The following HDGFL3 variants were observed in gnomAD, a reference collection of about 807,000 sequenced individuals.
HDGFL3 encodes the protein hepatoma-derived growth factor-related protein 3.
A neutral mutation model predicts 27.6 loss-of-function variants in HDGFL3; 6 were observed. That is an observed-to-expected ratio of 0.22 (90% CI 0.12 to 0.43). The LOEUF is 0.43. Among genes scored for constraint, HDGFL3 ranks in the 20% least tolerant of loss-of-function variants. HDGFL3 has a pLI of 1.00. For missense variants in HDGFL3, 207 were observed against 250.1 expected, an observed-to-expected ratio of 0.83 and a Z score of 1.16; for synonymous variants, 88 against 88.9, an observed-to-expected ratio of 0.99 and a Z score of 0.05.
intron 2 of HDGFL3, among the ~76,000 whole-genome samples, chr15:83,162,530 T>C (rs1241549181): frequency 1.3e-5 from 2 of 152,192 alleles, no homozygotes; most frequent in Non-Finnish European, 2.9e-5. Context: ...ACATTTATTA[T>C]AGGTAAAACT....
At chr15:83,116,755 G>A (rs927136617) in intron 3 of HDGFL3, among the ~76,000 whole-genome samples, 1 of 152,194 alleles carries the variant, frequency 6.6e-6, no homozygotes, top group African/African-American at 2.4e-5. Flanking sequence ...AGTAGAGAGA[G>A]GGATGAACTT....
At chr15:83,155,814 ATT>A (rs1432429760) in intron 4 of HDGFL3, among the ~76,000 whole-genome samples, 1 of 152,226 alleles carries the variant, frequency 6.6e-6, no homozygotes, top group Non-Finnish European at 1.5e-5. Flanking sequence ...TTATCCAGGT[ATT>A]CAATCATGTG....
chr15:83,205,564 G>A (rs2037706481), intron 1 of HDGFL3, among the ~76,000 whole-genome samples: 1 of 152,068 alleles, frequency 6.6e-6, no homozygotes, highest in Admixed American at 6.6e-5. Context: ...ACCTGTACAG[G>A]CAACATATTA....
intron 3 of HDGFL3, chr15:83,122,108 CT>C: frequency 1.1e-6 from 1 of 938,956 alleles, no homozygotes; most frequent in Non-Finnish European, 1.6e-6. Flanking sequence ...TGATTCCAAG[CT>C]TACTAAAAAC....
chr15:83,152,700 CAA>C (rs1469769220), intron 4 of HDGFL3, among the ~76,000 whole-genome samples: 1 of 135,630 alleles, frequency 7.4e-6, no homozygotes, highest in Non-Finnish European at 1.6e-5. Context: ...AAAAAAAAAA[CAA>C]AAAAAGAGAA....
chr15:83,204,229 A>G (rs1596572971), intron 1 of HDGFL3, among the ~76,000 whole-genome samples: 1 of 151,758 alleles, frequency 6.6e-6, no homozygotes, highest in East Asian at 1.9e-4. Context: ...TATCAGACAT[A>G]TATCATATAG....
intron 1 of HDGFL3, among the ~76,000 whole-genome samples, chr15:83,167,158 G>A (rs186205551): frequency 2.4e-4 from 36 of 152,124 alleles, no homozygotes; most frequent in African/African-American, 8.2e-4. Flanking sequence ...CCATAAGCTC[G>A]AACTAAAGGT....
chr15:83,136,807 T>A lies in HDGFL3; in HGVS notation c.*2463A>T. On this transcript the variant is annotated 3_prime_UTR_variant, in exon 6 of 6. Coordinates refer to ENST00000299633, the MANE Select transcript of HDGFL3 (RefSeq NM_016073.4). ...ACATTCTTGCTCTGCACTGTATGTG[T>A]GAGCTATATGGTATTGTGTAAATTT... is the stretch of plus-strand genomic sequence containing the variant. The A allele has an allele frequency of 1.5e-6, 1 of 680,664 alleles. No individual in the cohort carries two copies. Among genetic ancestry groups the A allele is most frequent in the Non-Finnish European group, 2.3e-6 (1 of 427,714 alleles). 42.2% of individuals were successfully genotyped at this position (680,664 alleles called of 1,614,324 possible).
At chr15:83,154,895 G>T (rs1344091951) in intron 4 of HDGFL3, among the ~76,000 whole-genome samples, 1 of 152,032 alleles carries the variant, frequency 6.6e-6, no homozygotes, top group African/African-American at 2.4e-5. Context: ...TTGAGACAGG[G>T]TCTCACTCTG....
intron 1 of HDGFL3, among the ~76,000 whole-genome samples, chr15:83,173,792 A>G (rs893978123): frequency 6.6e-6 from 1 of 152,216 alleles, no homozygotes; most frequent in Admixed American, 6.5e-5. Context: ...TACAGGTCCC[A>G]TAAGTAACTT....
At chr15:83,163,811 C>T (rs529837382) in intron 2 of HDGFL3, 188 bp downstream of exon 2, 91 of 549,136 alleles carry the variant, frequency 1.7e-4, no homozygotes, top group African/African-American at 1.4e-3. Context: ...AGCAAAGATA[C>T]GCTTTTAGTC....
In HDGFL3 at chr15:83,181,222, A is replaced by G. The variant is rs1477817243; in HGVS notation, c.85-17147T>C. Among the ~76,000 whole-genome samples, 4 of 152,194 alleles carry G rather than the reference A, an allele frequency of 2.6e-5. No individual in the cohort carries two copies. In the East Asian group the frequency reaches 5.8e-4, roughly 22 times the overall value. On this transcript the variant is annotated intron_variant, in intron 1 of 5. Transcript: ENST00000299633. Reference sequence around the variant, plus strand: ...TAGTGCTTTTAACTAAGTTGTATATAGCAGATGTACAGGGGATGTATGCAG... The same window carrying G: ...TAGTGCTTTTAACTAAGTTGTATATGGCAGATGTACAGGGGATGTATGCAG...
chr15:83,113,114 G>A (rs1193569197), exon 4 of HDGFL3: 1 of 581,630 alleles, frequency 1.7e-6, no homozygotes, highest in Non-Finnish European at 3.1e-6. Context: ...TCCCGGTGGA[G>A]AGTTACTGCC....
Position 83,207,334 on chromosome 15 carries a change from G to A in HDGFL3, c.81C>T (p.Ala27=). The A allele has an allele frequency of 2.9e-6, 4 of 1,395,676 alleles. No individual in the cohort carries two copies. The highest frequency in any genetic ancestry group is 2.8e-5 in the East Asian group (1 of 35,222). 86.5% of individuals were successfully genotyped at this position (1,395,676 alleles called of 1,614,324 possible). A position where few individuals can be genotyped will look rare whatever the true frequency, so the allele number is the denominator to read the frequency against. ...CGCGCGCGGCCGCGGTACTCACCCG[G>A]GCCGGCCAGTGCGGGTAGCCCTTCA... ...AKMKGYPHWP[A]RIDELPEGAV... The change falls in exon 1 of 6, where the codon GCC becomes GCT. Residue 27 remains alanine, a synonymous_variant. Coordinates refer to ENST00000299633, the MANE Select transcript of HDGFL3 (RefSeq NM_016073.4). This position sits in a 1 kb window ranked among gnomAD's most constrained non-coding sequence, Gnocchi z 4.8.
At chr15:83,140,480 A>AC (rs772081760) in intron 5 of HDGFL3, among the ~76,000 whole-genome samples, 34,889 of 110,782 alleles carry the variant, frequency 0.31, 4,686 homozygotes, top group African/African-American at 0.42. Context: ...AACCAAAGAA[A>AC]GTTTTTTTTT....
At chr15:83,199,457 A>G (rs2037612039) in intron 1 of HDGFL3, among the ~76,000 whole-genome samples, 1 of 152,042 alleles carries the variant, frequency 6.6e-6, no homozygotes, top group South Asian at 2.1e-4. Flanking sequence ...ATCACTTAAA[A>G]CCACTCTCAT....
chr15:83,200,540 G>T (rs1226736996), intron 1 of HDGFL3, among the ~76,000 whole-genome samples: 1 of 152,180 alleles, frequency 6.6e-6, no homozygotes, highest in Non-Finnish European at 1.5e-5. Flanking sequence ...TAAGTAAGAA[G>T]CTTTGTGTTC....
intron 5 of HDGFL3, among the ~76,000 whole-genome samples, chr15:83,141,993 T>A (rs2036780964): frequency 6.6e-6 from 1 of 152,068 alleles, no homozygotes; most frequent in African/African-American, 2.4e-5. Flanking sequence ...CACAACTCAA[T>A]GGCTATTACT....
At position 83,137,312 on chromosome 15, in the gene HDGFL3, T is replaced by C. The variant is rs2036668947; in HGVS notation, c.*1958A>G. On this transcript the variant is annotated 3_prime_UTR_variant, in exon 6 of 6. Transcript: ENST00000299633. Reference sequence around the variant, plus strand: ...TTTTATTGGTGGCTGGAAATATTTCTATTGTATTTCTGTGTATATTTTTAA... The same window carrying C: ...TTTTATTGGTGGCTGGAAATATTTCCATTGTATTTCTGTGTATATTTTTAA... 1.3e-5 allele frequency: 2 copies of C among 152,216 alleles called. No homozygotes were observed. Among genetic ancestry groups the C allele is most frequent in the Non-Finnish European group, 2.9e-5 (2 of 68,008 alleles). 9.4% of individuals were successfully genotyped at this position (152,216 alleles called of 1,614,324 possible).
Sources: allele counts gnomAD v4.1 joint callset (sites outside exome capture counted in the v4.1 genomes callset), GRCh38; gene constraint gnomAD v4.1.1; non-coding constraint Gnocchi (gnomAD v3.1); transcripts MANE v1.5; gene names NCBI Gene and HGNC (gene_info 2026-07-23, HGNC 2026-07-21).